The following SMAD2 variants were observed in gnomAD, a reference collection of about 807,000 sequenced individuals.
The protein encoded by SMAD2 is SMAD family member 2, also known as MAD homolog 2.
Under a neutral mutation model 64.4 loss-of-function variants are expected in SMAD2, and 8 were observed. That is an observed-to-expected ratio of 0.12 (90% confidence interval 0.07 to 0.22). The LOEUF (loss-of-function observed/expected upper bound fraction) is 0.22. Ranked by LOEUF, SMAD2 falls within the 10% of genes least tolerant of loss-of-function variation. SMAD2 has a pLI of 1.00. For synonymous variants in SMAD2, 203 were observed against 195.8 expected (o/e 1.04, Z -0.31); for missense variants, 289 against 561.2 (o/e 0.51, Z 4.90).
chr18:47,842,018 T>C (rs983866360), intron 10 of SMAD2, 68 bp from the exon 11 acceptor site: 3 of 1,520,440 alleles, frequency 2.0e-6, no homozygotes, highest in Non-Finnish European at 2.7e-6. Flanking sequence ...TGGCTATGTT[T>C]AGGTACACTG....
Position 47,823,232 on chromosome 18 carries a change from G to GA in SMAD2, c.*18594dup, listed in dbSNP as rs1390283296. On this transcript the variant is annotated 3_prime_UTR_variant, in exon 11 of 11. Coordinates refer to ENST00000262160, the MANE Select transcript of SMAD2 (RefSeq NM_005901.6). The stretch of plus-strand genomic sequence containing the variant: ...ATAGGTAAAATCTAAAGTCTACCTT[G>GA]ACTTAGCTTCTTAGCCTCAAGGAGG... 1 of 152,126 alleles carries GA rather than the reference G, an allele frequency of 6.6e-6. No homozygotes were observed. Among genetic ancestry groups the GA allele is most frequent in the Non-Finnish European group, 1.5e-5 (1 of 68,026 alleles). 9.4% of individuals were successfully genotyped at this position (152,126 alleles called of 1,614,324 possible).
chr18:47,837,467 C>G lies in SMAD2; in HGVS notation c.*4360G>C. The G allele has an allele frequency of 4.9e-6, 1 of 203,154 alleles. No individual in the cohort carries two copies. The highest frequency in any genetic ancestry group is 9.8e-6 in the Non-Finnish European group (1 of 101,660). 12.6% of individuals were successfully genotyped at this position (203,154 alleles called of 1,614,324 possible). On this transcript the variant is annotated 3_prime_UTR_variant, in exon 11 of 11. Coordinates refer to ENST00000262160, the MANE Select transcript of SMAD2 (RefSeq NM_005901.6). Reference sequence around the variant, plus strand: ...GTCCCAGCTACTTGGGAGGCTGAGGCAGAAGCATGGCGTGAACCCGGGAGG... The same window carrying G: ...GTCCCAGCTACTTGGGAGGCTGAGGGAGAAGCATGGCGTGAACCCGGGAGG...
At chr18:47,916,550 G>A (rs987817398) in intron 1 of SMAD2, among the ~76,000 whole-genome samples, 3 of 152,024 alleles carry the variant, frequency 2.0e-5, no homozygotes, top group Admixed American at 6.6e-5. Context: ...GATTACAGGC[G>A]ACTGCAACCA....
Position 47,815,348 on chromosome 18 carries a change from T to C in SMAD2, c.*26479A>G, listed in dbSNP as rs1912333671. 6.6e-6 allele frequency: 1 copy of C among 152,246 alleles called. No individual in the cohort carries two copies. The allele number at this position is 152,246 out of a possible 1,614,324, so 9.4% of individuals were successfully genotyped here. ...CTTCTTTTCTGCATGATCTGAGTTT[T>C]AATGTGTGGGAGCTGGGAAGAGGGA... On this transcript the variant is annotated 3_prime_UTR_variant, in exon 11 of 11. Transcript: ENST00000262160.
intron 1 of SMAD2, 30 bp from the exon 2 acceptor site, chr18:47,896,839 A>C (rs1598855941): frequency 1.3e-6 from 2 of 1,543,340 alleles, no homozygotes; most frequent in Non-Finnish European, 1.7e-6. Flanking sequence ...GATGATGTAG[A>C]GACTACCTTG....
In SMAD2 at chr18:47,839,291, G is replaced by T. The variant is rs1317939263; in HGVS notation, c.*2536C>A. ...ACAGTAATGCAAGAGTAACCACCAA[G>T]ATCAGGACCTTCTACCACTTTCAGA... On this transcript the variant is annotated 3_prime_UTR_variant, in exon 11 of 11. Transcript: ENST00000262160. 3 of 233,278 alleles carry T rather than the reference G, an allele frequency of 1.3e-5. No homozygotes were observed. Among genetic ancestry groups the T allele is most frequent in the Admixed American group, 1.1e-4 (2 of 17,780 alleles). The allele number at this position is 233,278 out of a possible 1,614,324, so 14.5% of individuals were successfully genotyped here.
At chr18:47,919,203 C>CA (rs1227908918) in intron 1 of SMAD2, among the ~76,000 whole-genome samples, 2 of 151,026 alleles carry the variant, frequency 1.3e-5, no homozygotes, top group African/African-American at 2.4e-5. Context: ...CATAATTTTT[C>CA]AAAAAAAAAT....
chr18:47,867,652 T>C (rs1326953488), intron 5 of SMAD2, among the ~76,000 whole-genome samples: 4 of 149,918 alleles, frequency 2.7e-5, no homozygotes, highest in African/African-American at 9.8e-5. Context: ...GTATTAGTTG[T>C]TCTCCAAAAA....
intron 6 of SMAD2, among the ~76,000 whole-genome samples, chr18:47,855,395 C>CGT (rs2030580957): frequency 6.6e-6 from 1 of 152,082 alleles, no homozygotes; most frequent in Non-Finnish European, 1.5e-5. Context: ...GACTGCTAAA[C>CGT]CATATGGTAA....
At chr18:47,849,518 T>G (rs1568038917) in intron 7 of SMAD2, among the ~76,000 whole-genome samples, 1 of 151,728 alleles carries the variant, frequency 6.6e-6, no homozygotes, top group African/African-American at 2.4e-5. Context: ...TAGTCATCCC[T>G]TGGCATTTAC....
intron 1 of SMAD2, among the ~76,000 whole-genome samples, chr18:47,912,821 A>T (rs979714300): frequency 1.4e-5 from 2 of 147,188 alleles, no homozygotes; most frequent in Non-Finnish European, 2.9e-5. Flanking sequence ...AATTTAGCCT[A>T]AAAAAAGAAT....
intron 1 of SMAD2, among the ~76,000 whole-genome samples, chr18:47,919,152 A>C (rs562616050): frequency 6.6e-6 from 1 of 152,294 alleles, no homozygotes; most frequent in South Asian, 2.1e-4. Context: ...AGTATACTGT[A>C]AACAAAGTCA....
At chr18:47,882,049 T>G (rs1256568658) in intron 2 of SMAD2, among the ~76,000 whole-genome samples, 1 of 134,466 alleles carries the variant, frequency 7.4e-6, no homozygotes, top group Non-Finnish European at 1.6e-5. Flanking sequence ...GGCTTTTTTT[T>G]TTTTTTTTTT....
intron 6 of SMAD2, among the ~76,000 whole-genome samples, chr18:47,861,198 T>TA (rs2031159877): frequency 6.6e-6 from 1 of 151,854 alleles, no homozygotes; most frequent in Non-Finnish European, 1.5e-5. Flanking sequence ...TCTACTAAAA[T>TA]ACGAAAAATA....
At chr18:47,864,740 ATACT>A (rs1328015059) in intron 6 of SMAD2, among the ~76,000 whole-genome samples, 5 of 152,274 alleles carry the variant, frequency 3.3e-5, no homozygotes, top group East Asian at 3.9e-4. Flanking sequence ...TCACAGAGAG[ATACT>A]TAGTCATAGG....
chr18:47,869,535 A>G, intron 3 of SMAD2, 99 bp from the exon 4 acceptor site: 1 of 836,548 alleles, frequency 1.2e-6, no homozygotes, highest in Non-Finnish European at 1.9e-6. Context: ...AAGCATAAAG[A>G]AAAGAATGAC....
intron 1 of SMAD2, 142 bp from the exon 2 acceptor site, chr18:47,896,951 C>T (rs538493216): frequency 7.2e-5 from 52 of 725,050 alleles, no homozygotes; most frequent in Non-Finnish European, 1.1e-4. Flanking sequence ...CCCATGAAAA[C>T]GTTATCTTTA....
At chr18:47,919,702 G>A (rs763988709) in intron 1 of SMAD2, among the ~76,000 whole-genome samples, 1 of 152,158 alleles carries the variant, frequency 6.6e-6, no homozygotes, top group Non-Finnish European at 1.5e-5. Flanking sequence ...CACTGTAGAA[G>A]TCAATGGAAG....
chr18:47,888,022 C>T (rs2032999698), intron 2 of SMAD2, among the ~76,000 whole-genome samples: 1 of 152,148 alleles, frequency 6.6e-6, no homozygotes, highest in African/African-American at 2.4e-5. Flanking sequence ...AACACTATAG[C>T]ACCTCAATTT....
Sources: gnomAD v4.1 joint callset for allele counts (sites outside exome capture counted in the v4.1 genomes callset) on GRCh38, gnomAD v4.1.1 for gene constraint, MANE v1.5 for transcripts, NCBI Gene and HGNC (gene_info 2026-07-23, HGNC 2026-07-21) for gene names.